Variants in MIER2 observed in about 807,000 individuals in gnomAD.
The protein encoded by MIER2 is MIER family member 2, also known as mesoderm induction early response protein 2.
A neutral mutation model predicts 67.6 loss-of-function variants in MIER2; 30 were observed. That is an observed-to-expected ratio of 0.44 (90% CI 0.33 to 0.60). The LOEUF (loss-of-function observed/expected upper bound fraction) is 0.60, where lower values mean the gene tolerates loss of function less well. Ranked by LOEUF, MIER2 falls within the 20% of genes least tolerant of loss-of-function variation. MIER2 has a pLI of 0.02. For missense variants in MIER2, 702 were observed against 745.1 expected, an observed-to-expected ratio of 0.94 and a Z score of 0.67; for synonymous variants, 372 against 312.6, an observed-to-expected ratio of 1.19 and a Z score of -2.00.
chr19:344,038 C>T, intron 1 of MIER2: 1 of 985,448 alleles, frequency 1.0e-6, no homozygotes, highest in Non-Finnish European at 1.2e-6. Context: ...ATTCTGGATT[C>T]CAAAATATAG....
chr19:326,098 G>C (rs774978486), intron 6 of MIER2, among the ~76,000 whole-genome samples: 2 of 152,244 alleles, frequency 1.3e-5, no homozygotes, highest in East Asian at 3.8e-4. Flanking sequence ...ACCCGGCTGC[G>C]GTTACTGAGG....
rs1380731477 is a variant in MIER2 at position 306,545 on chromosome 19, C to T, written c.*145G>A. On this transcript the variant is annotated 3_prime_UTR_variant, in exon 14 of 14. Transcript: ENST00000264819. ...AAGGGCTCACGGCCCAGCCACCTCA[C>T]CCCAGTCCTGACGTGTTCTGAAGCA... 2 of 1,125,090 alleles carry T rather than the reference C, an allele frequency of 1.8e-6. No individual in the cohort carries two copies. Among genetic ancestry groups the T allele is most frequent in the Non-Finnish European group, 2.6e-6 (2 of 779,268 alleles). The allele number at this position is 1,125,090 out of a possible 1,614,324, so 69.7% of individuals were successfully genotyped here.
chr19:324,865 C>T (rs1319023535), intron 7 of MIER2, among the ~76,000 whole-genome samples: 1 of 152,230 alleles, frequency 6.6e-6, no homozygotes, highest in Non-Finnish European at 1.5e-5. Flanking sequence ...TCCCCTCCGA[C>T]CCTGCCTTCT....
chr19:320,410 T>A (rs1971453406), intron 7 of MIER2, among the ~76,000 whole-genome samples: 1 of 151,302 alleles, frequency 6.6e-6, no homozygotes, highest in South Asian at 2.1e-4. Flanking sequence ...GATAAATAAA[T>A]AAAATTTAAA....
At chr19:343,647 C>A (rs1353156243) in intron 1 of MIER2, among the ~76,000 whole-genome samples, 1 of 152,228 alleles carries the variant, frequency 6.6e-6, no homozygotes, top group Non-Finnish European at 1.5e-5. Flanking sequence ...CGGCTTCCCA[C>A]GAGGCGGCTG....
At chr19:329,866 C>CAAAA (rs36067469) in intron 3 of MIER2, among the ~76,000 whole-genome samples, 14 of 94,746 alleles carry the variant, frequency 1.5e-4, no homozygotes, top group Non-Finnish European at 1.9e-4. Context: ...TACTCCGTCT[C>CAAAA]AAAAAAAAAA....
At chr19:330,090 C>CTA (rs1166051587) in intron 3 of MIER2, among the ~76,000 whole-genome samples, 1 of 152,084 alleles carries the variant, frequency 6.6e-6, no homozygotes, top group Non-Finnish European at 1.5e-5. Context: ...TGCTGGCCAA[C>CTA]TATAGCCACT....
At position 344,766 on chromosome 19, in the gene MIER2, T is replaced by C; in HGVS notation, c.9+8A>G. The C allele has an allele frequency of 8.4e-7, 1 of 1,186,892 alleles. No homozygotes were observed. The highest frequency in any genetic ancestry group is 1.0e-6 in the Non-Finnish European group (1 of 959,114). The allele number at this position is 1,186,892 out of a possible 1,614,324, so 73.5% of individuals were successfully genotyped here. On this transcript the variant is annotated splice_region_variant and intron_variant, in intron 1 of 13. Coordinates refer to ENST00000264819, the MANE Select transcript of MIER2 (RefSeq NM_017550.3). The stretch of plus-strand genomic sequence containing the variant: ...CGGGGGGCCGGCTCCCCCGGCCCGC[T>C]CACTCACCTCCGCCATGGCCGTGTG...
intron 7 of MIER2, 27 bp from the exon 8 acceptor site, chr19:313,670 C>A (rs1327503209): frequency 6.2e-7 from 1 of 1,600,408 alleles, no homozygotes; most frequent in African/African-American, 1.3e-5. Context: ...CAAAGGTCAG[C>A]TTGCAGGAAC....
At chr19:306,909 G>A (rs1970676976) in intron 13 of MIER2, among the ~76,000 whole-genome samples, 198 bp from the exon 14 acceptor site, 1 of 152,240 alleles carries the variant, frequency 6.6e-6, no homozygotes, top group Non-Finnish European at 1.5e-5. Context: ...TCCCATTTGT[G>A]GAGAATGTGG....
intron 1 of MIER2, among the ~76,000 whole-genome samples, chr19:342,043 C>G (rs572982961): frequency 6.6e-6 from 1 of 152,262 alleles, no homozygotes; most frequent in South Asian, 2.1e-4. Flanking sequence ...GCTGCACCTA[C>G]CTCTCCCATG....
chr19:318,580 T>C (rs1422741768), intron 7 of MIER2, among the ~76,000 whole-genome samples: 1 of 152,170 alleles, frequency 6.6e-6, no homozygotes, highest in Non-Finnish European at 1.5e-5. Flanking sequence ...ACAACAATTA[T>C]CCAGCGGATC....
chr19:321,982 GC>G (rs1818181568), intron 7 of MIER2, among the ~76,000 whole-genome samples: 1 of 149,944 alleles, frequency 6.7e-6, no homozygotes, highest in African/African-American at 2.5e-5. Context: ...TCGGCTCACT[GC>G]AAGCTCCGCC....
intron 1 of MIER2, among the ~76,000 whole-genome samples, chr19:341,127 C>G (rs961194023): frequency 5.3e-5 from 8 of 152,202 alleles, no homozygotes; most frequent in Non-Finnish European, 8.8e-5. Context: ...CCTCAGCCCC[C>G]TCTAGGACCC....
At chr19:344,474 C>G in intron 1 of MIER2, 1 of 697,396 alleles carries the variant, frequency 1.4e-6, no homozygotes, top group South Asian at 6.3e-5. Context: ...CCGACACCAG[C>G]CCCGCCCCGC....
rs372735295 is a variant in MIER2 at position 308,597 on chromosome 19, G to C, written c.1178C>G (p.Thr393Ser). 1.9e-6 allele frequency: 3 copies of C among 1,606,296 alleles called. No individual in the cohort carries two copies. In the East Asian group the frequency reaches 6.7e-5, roughly 36 times the overall value. ...GPGRPRPEQDTLTGMRTDPLS... is the reference protein window; with the variant it reads ...GPGRPRPEQDSLTGMRTDPLS... ...CTCACCTGTGCGCATCCCAGTCAGGGTGTCTTGCTCCGGGCGCGGACGGCC... is the reference window on the plus strand; with the variant it reads ...CTCACCTGTGCGCATCCCAGTCAGGCTGTCTTGCTCCGGGCGCGGACGGCC... Residue 393 changes from threonine to serine, a missense_variant, in exon 12 of 14, where the codon ACC becomes AGC. By Grantham distance (58) the Thr-to-Ser change is moderately conservative. Coordinates refer to ENST00000264819, the MANE Select transcript of MIER2 (RefSeq NM_017550.3). The surrounding 1 kb of genome is among the most constrained non-coding windows in gnomAD (Gnocchi z 9.1).
At chr19:310,620 A>AGCCCGGAGCTGTAGAAACACG (rs1568216647) in intron 10 of MIER2, among the ~76,000 whole-genome samples, 220 of 60,408 alleles carry the variant, frequency 3.6e-3, no homozygotes, top group African/African-American at 7.7e-3. Flanking sequence ...ATAGAAACAC[A>AGCCCGGAGCTGTAGAAACACG]GCCCGGAGCT....
chr19:309,137 T>A (rs1222868495), intron 10 of MIER2, among the ~76,000 whole-genome samples: 1 of 152,092 alleles, frequency 6.6e-6, no homozygotes, highest in Non-Finnish European at 1.5e-5. Flanking sequence ...ACTGTGGCAC[T>A]GCCTCCTGTT....
chr19:308,680 C>A lies in MIER2; in HGVS notation c.1110-15G>T. ...GGTCTGCGTCCCTGTGGGGAGAGGG[C>A]GCCATGAGGGGCGGCAGACAGGACA... On this transcript the variant is annotated splice_polypyrimidine_tract_variant and intron_variant, in intron 11 of 13. Transcript: ENST00000264819. This position sits in a 1 kb window ranked among gnomAD's most constrained non-coding sequence, Gnocchi z 9.1. 1 of 1,599,606 alleles carries A rather than the reference C, an allele frequency of 6.3e-7. No individual in the cohort carries two copies. The highest frequency in any genetic ancestry group is 8.5e-7 in the Non-Finnish European group (1 of 1,174,530).
Sources: gnomAD v4.1 joint callset for allele counts (sites outside exome capture counted in the v4.1 genomes callset) on GRCh38, gnomAD v4.1.1 for gene constraint, Gnocchi (gnomAD v3.1) non-coding constraint, MANE v1.5 for transcripts, NCBI Gene and HGNC (gene_info 2026-07-23, HGNC 2026-07-21) for gene names.